Variants in MAST4 observed in about 807,000 individuals in gnomAD.
MAST4 encodes the protein microtubule associated serine/threonine kinase family member 4, also known as microtubule-associated serine/threonine-protein kinase 4.
Under a neutral mutation model 162.7 loss-of-function variants are expected in MAST4, and 89 were observed. That is an observed-to-expected ratio of 0.55 (90% CI 0.46 to 0.65). The LOEUF (loss-of-function observed/expected upper bound fraction) is 0.65. Among genes scored for constraint, MAST4 ranks in the 30% least tolerant of loss-of-function variants. The probability of loss-of-function intolerance (pLI) is 0.00; values close to 1 mark genes in which losing one functional copy is unlikely to be tolerated. For missense variants in MAST4, 3,153 were observed against 3,374.0 expected (o/e 0.93, Z 1.62); for synonymous variants, 1,479 against 1,361.1 (o/e 1.09, Z -1.91).
intron 4 of MAST4, among the ~76,000 whole-genome samples, chr5:66,926,556 C>G (rs11744834): frequency 5.2e-5 from 7 of 135,582 alleles, no homozygotes; most frequent in Non-Finnish European, 9.5e-5. Context: ...CTCTTTCTCT[C>G]TTTCTCTCTC....
chr5:66,845,508 C>G (rs1299072986), intron 3 of MAST4, among the ~76,000 whole-genome samples: 2 of 152,048 alleles, frequency 1.3e-5, no homozygotes, highest in Admixed American at 6.5e-5. Context: ...TTAATCCAGT[C>G]TATCATTGAT....
intron 2 of MAST4, among the ~76,000 whole-genome samples, chr5:66,786,289 C>A (rs1189660033): frequency 6.9e-6 from 1 of 145,426 alleles, no homozygotes; most frequent in Non-Finnish European, 1.5e-5. Flanking sequence ...TTTTTTTAAT[C>A]TACGTTCAGT....
At chr5:66,828,235 G>T (rs1379514054) in intron 3 of MAST4, among the ~76,000 whole-genome samples, 1 of 152,182 alleles carries the variant, frequency 6.6e-6, no homozygotes, top group East Asian at 1.9e-4. Flanking sequence ...AAAGGGTTTG[G>T]TGGCTGGAGA....
At chr5:66,643,554 G>T (rs1322737305) in intron 1 of MAST4, among the ~76,000 whole-genome samples, 2 of 152,128 alleles carry the variant, frequency 1.3e-5, no homozygotes, top group Non-Finnish European at 2.9e-5. Flanking sequence ...TTGTGCAGAG[G>T]ACAGATACCC....
At chr5:66,789,224 T>C (rs1211262200) in intron 3 of MAST4, among the ~76,000 whole-genome samples, 1 of 138,818 alleles carries the variant, frequency 7.2e-6, no homozygotes, top group Non-Finnish European at 1.7e-5. Context: ...CATACACACA[T>C]GATTTTTTGA....
chr5:67,095,197 T>G (rs887064174), intron 6 of MAST4, among the ~76,000 whole-genome samples: 2 of 152,196 alleles, frequency 1.3e-5, no homozygotes, highest in African/African-American at 4.8e-5. Flanking sequence ...CAGGCCCTTG[T>G]GCCATGCTGG....
At chr5:66,837,896 T>TATATATATATATATA (rs1580596132) in intron 3 of MAST4, among the ~76,000 whole-genome samples, 7 of 16,446 alleles carry the variant, frequency 4.3e-4, no homozygotes, top group African/African-American at 1.1e-3. Context: ...ATATATATAT[T>TATATATATATATATA]TTTTTTTTTT....
intron 3 of MAST4, among the ~76,000 whole-genome samples, chr5:66,850,288 C>T (rs553708091): frequency 3.3e-5 from 5 of 152,304 alleles, no homozygotes; most frequent in African/African-American, 9.6e-5. Context: ...GTTAAGAACA[C>T]TGAATTTCAG....
chr5:66,634,607 G>A (rs186055122), intron 1 of MAST4, among the ~76,000 whole-genome samples: 48 of 152,202 alleles, frequency 3.2e-4, no homozygotes, highest in South Asian at 1.0e-3. Context: ...CCCTTTTTGG[G>A]GACTGCTGTA....
intron 4 of MAST4, among the ~76,000 whole-genome samples, chr5:66,926,739 T>G (rs1473734479): frequency 6.6e-6 from 1 of 152,140 alleles, no homozygotes; most frequent in Admixed American, 6.5e-5. Flanking sequence ...TGCTTTTTGT[T>G]TTTTTGCTAT....
intron 4 of MAST4, among the ~76,000 whole-genome samples, chr5:66,955,726 C>T (rs1443482749): frequency 6.6e-6 from 1 of 151,934 alleles, no homozygotes; most frequent in Non-Finnish European, 1.5e-5. Context: ...GATCATGGTC[C>T]AATATTATAC....
chr5:66,704,514 T>TTTTA (rs1749996396), intron 1 of MAST4, among the ~76,000 whole-genome samples: 1 of 147,734 alleles, frequency 6.8e-6, no homozygotes, highest in African/African-American at 2.5e-5. Flanking sequence ...TTTTTTTTTT[T>TTTTA]GAGACGGAGT....
chr5:67,036,413 GA>G (rs1756025672), intron 4 of MAST4, among the ~76,000 whole-genome samples: 2 of 152,130 alleles, frequency 1.3e-5, no homozygotes, highest in African/African-American at 2.4e-5. Context: ...CTGCCACTGA[GA>G]AGTAATCACT....
At position 66,684,835 on chromosome 5, in the gene MAST4, TATTG is replaced by T. The variant is rs368344770; in HGVS notation, c.364-74872_364-74869del. Among the ~76,000 whole-genome samples the T allele has an allele frequency of 1.8e-3, 267 of 152,296 alleles. 1 individual carries two copies. The highest frequency in any genetic ancestry group is 6.0e-3 in the African/African-American group (251 of 41,552). ...CTGCAGAGAGCCAGCAGTTGATGGT[TATTG>T]AGTCAGCACCTGCTGCTCAGCGCTT... On this transcript the variant is annotated intron_variant, in intron 1 of 28. Coordinates refer to ENST00000403625, the MANE Select transcript of MAST4 (RefSeq NM_001164664.2).
At chr5:66,805,372 G>T (rs952251834) in intron 3 of MAST4, among the ~76,000 whole-genome samples, 5 of 152,030 alleles carry the variant, frequency 3.3e-5, no homozygotes, top group African/African-American at 1.2e-4. Flanking sequence ...TCATTTCATG[G>T]TATGTTTAAC....
intron 1 of MAST4, among the ~76,000 whole-genome samples, chr5:66,695,590 C>G (rs1749348630): frequency 6.6e-6 from 1 of 151,948 alleles, no homozygotes; most frequent in Admixed American, 6.6e-5. Flanking sequence ...AGCATTGAAT[C>G]TGTAAATTAC....
chr5:66,716,685 A>G (rs930873915), intron 1 of MAST4, among the ~76,000 whole-genome samples: 1 of 152,086 alleles, frequency 6.6e-6, no homozygotes, highest in Non-Finnish European at 1.5e-5. Flanking sequence ...AAATTGTGTT[A>G]GAAGATATAT....
intron 11 of MAST4, among the ~76,000 whole-genome samples, chr5:67,111,527 A>G (rs1050956471): frequency 2.6e-5 from 4 of 152,162 alleles, no homozygotes; most frequent in Admixed American, 6.5e-5. Flanking sequence ...TGTCTCTGGA[A>G]GGCTAAAAGG....
At position 67,163,019 on chromosome 5, in the gene MAST4, C is replaced by A. The variant is rs1430593324; in HGVS notation, c.3968-128C>A. The A allele has an allele frequency of 6.1e-6, 7 of 1,156,534 alleles. No homozygotes were observed. In the Admixed American group the frequency reaches 1.6e-4, roughly 27 times the overall value. 71.6% of individuals were successfully genotyped at this position (1,156,534 alleles called of 1,614,324 possible). A position where few individuals can be genotyped will look rare whatever the true frequency, so the allele number is the denominator to read the frequency against. ...GAGGTTTATCTGAAAAGTGTTTATT[C>A]CACTAGCTAAATGCTGAGACAATTT... On this transcript the variant is annotated intron_variant, in intron 28 of 28. Coordinates refer to ENST00000403625, the MANE Select transcript of MAST4 (RefSeq NM_001164664.2). The surrounding 1 kb of genome is among the most constrained non-coding windows in gnomAD (Gnocchi z 7.0).
Sources: allele counts gnomAD v4.1 joint callset (sites outside exome capture counted in the v4.1 genomes callset), GRCh38; gene constraint gnomAD v4.1.1; non-coding constraint Gnocchi (gnomAD v3.1); transcripts MANE v1.5; gene names NCBI Gene and HGNC (gene_info 2026-07-23, HGNC 2026-07-21).